WDR11: variants seen among roughly 807,000 people sequenced by gnomAD.
WDR11 encodes the protein WD repeat domain 11.
In WDR11, 83 loss-of-function variants were observed where a neutral mutation model predicts 151.2. The ratio of observed to expected loss-of-function variants is 0.55; its 90% CI spans 0.46 to 0.66. WDR11 has a LOEUF of 0.66. WDR11 is among the 30% of genes least tolerant of loss of function. The probability of loss-of-function intolerance (pLI) is 0.00; values close to 1 mark genes in which losing one functional copy is unlikely to be tolerated. For synonymous variants in WDR11, 484 were observed against 533.1 expected (o/e 0.91, Z 1.27); for missense variants, 1,301 against 1,480.9 (o/e 0.88, Z 1.99).
chr10:120,890,513 C>T (rs560341010), intron 18 of WDR11, among the ~76,000 whole-genome samples: 3 of 152,280 alleles, frequency 2.0e-5, no homozygotes, highest in Admixed American at 6.5e-5. Context: ...CGCGCCCAGC[C>T]GATTTATTTA....
chr10:120,902,587 T>C (rs993594994), intron 22 of WDR11, among the ~76,000 whole-genome samples: 37 of 151,926 alleles, frequency 2.4e-4, no homozygotes, highest in African/African-American at 8.3e-4. Context: ...CAGATACAGG[T>C]ATATTTAAAT....
intron 11 of WDR11, among the ~76,000 whole-genome samples, chr10:120,875,031 G>A (rs1026487850): frequency 1.3e-5 from 2 of 151,218 alleles, no homozygotes; most frequent in Non-Finnish European, 2.9e-5. Flanking sequence ...TGTTCTCATC[G>A]TTCAACTCCC....
intron 27 of WDR11, 102 bp from the exon 28 acceptor site, chr10:120,906,674 G>T: frequency 6.2e-7 from 1 of 1,602,710 alleles, no homozygotes; most frequent in East Asian, 2.2e-5. Flanking sequence ...CAGTATGCAG[G>T]TTTCCAGGGA....
chr10:120,905,771 G>T, intron 26 of WDR11, 105 bp from the exon 27 acceptor site: 1 of 1,599,042 alleles, frequency 6.3e-7, no homozygotes, highest in Non-Finnish European at 8.5e-7. Context: ...GTCAAGCAGA[G>T]CATAGCCTGT....
chr10:120,878,685 AACAG>A (rs1237618366), intron 12 of WDR11, among the ~76,000 whole-genome samples: 6 of 152,182 alleles, frequency 3.9e-5, no homozygotes, highest in South Asian at 2.1e-4. Flanking sequence ...CATTAGCCTG[AACAG>A]ACAGATTCAT....
intron 15 of WDR11, 68 bp from the exon 16 acceptor site, chr10:120,886,621 T>C: frequency 6.3e-7 from 1 of 1,580,570 alleles, no homozygotes; most frequent in Non-Finnish European, 8.6e-7. Flanking sequence ...TTGGGCAAGT[T>C]AATTAATTAT....
At position 120,852,513 on chromosome 10, in the gene WDR11, T is replaced by C; in HGVS notation, c.87-11T>C. On this transcript the variant is annotated splice_polypyrimidine_tract_variant and intron_variant, in intron 1 of 28. Coordinates refer to ENST00000263461, the MANE Select transcript of WDR11 (RefSeq NM_018117.12). ...TTCTGTACTTAAACTTTAACATTAC[T>C]GTTTTGCTAGGGGCTGGCAAGGTTT... 6.2e-7 allele frequency: 1 copy of C among 1,612,646 alleles called. No homozygotes were observed. The highest frequency in any genetic ancestry group is 1.3e-5 in the African/African-American group (1 of 75,010).
At chr10:120,901,171 C>A in intron 21 of WDR11, 73 bp downstream of exon 21, 2 of 1,298,718 alleles carry the variant, frequency 1.5e-6, no homozygotes, top group South Asian at 1.2e-5. Flanking sequence ...AAATGCAATT[C>A]AAAATTAAAA....
At chr10:120,878,571 G>T (rs940410594) in intron 12 of WDR11, 112 bp downstream of exon 12, 11 of 788,056 alleles carry the variant, frequency 1.4e-5, no homozygotes, top group Non-Finnish European at 2.3e-5. Context: ...TATATTTCAT[G>T]CTTATATATT....
At chr10:120,888,963 T>C in intron 16 of WDR11, 115 bp from the exon 17 acceptor site, 1 of 772,564 alleles carries the variant, frequency 1.3e-6, no homozygotes, top group Non-Finnish European at 2.1e-6. Flanking sequence ...TAGGATTTGA[T>C]GACTAAAAGC....
intron 27 of WDR11, chr10:120,906,495 G>A: frequency 7.6e-7 from 1 of 1,315,496 alleles, no homozygotes; most frequent in Non-Finnish European, 9.7e-7. Flanking sequence ...TGTCAACTCT[G>A]GACAGGGGTA....
Position 120,865,197 on chromosome 10 carries a change from A to G in WDR11, c.864A>G (p.Gly288=), listed in dbSNP as rs1300724814. 4 of 1,613,886 alleles carry G rather than the reference A, an allele frequency of 2.5e-6. No homozygotes were observed. The East Asian group carries it at 8.9e-5, about 36-fold the overall frequency. The change falls in exon 6 of 29, where the codon GGA becomes GGG. Residue 288 remains glycine, a synonymous_variant. Transcript: ENST00000263461. ...TVGVIAIERT[G]VPFLQVIPCF... ...GTGTGATTGCAATAGAACGCACAGG[A>G]GTTCCATTTTTACAGGTATCTACAA...
At chr10:120,872,038 A>G (rs1408190743) in intron 10 of WDR11, among the ~76,000 whole-genome samples, 2 of 152,042 alleles carry the variant, frequency 1.3e-5, no homozygotes, top group Non-Finnish European at 2.9e-5. Flanking sequence ...TTTGTTTGAA[A>G]CTCAACATTT....
intron 19 of WDR11, among the ~76,000 whole-genome samples, chr10:120,896,368 TTCTC>T (rs1847615454): frequency 6.6e-6 from 1 of 152,204 alleles, no homozygotes; most frequent in African/African-American, 2.4e-5. Flanking sequence ...GCAGTGAAAC[TTCTC>T]TATCTTTGTT....
At chr10:120,862,115 TTTTG>T (rs200658690) in intron 4 of WDR11, among the ~76,000 whole-genome samples, 202 of 151,164 alleles carry the variant, frequency 1.3e-3, no homozygotes, top group East Asian at 0.013. Flanking sequence ...GTTAAAGTTT[TTTTG>T]TTTGTTTGTT....
chr10:120,885,271 GTA>G (rs148015588), intron 14 of WDR11: 23,952 of 146,196 alleles, frequency 0.16, 2,017 homozygotes, highest in East Asian at 0.32. Context: ...ACAGGATGAA[GTA>G]TATATATATA....
chr10:120,895,171 C>G (rs989701585), intron 19 of WDR11, among the ~76,000 whole-genome samples: 12 of 152,158 alleles, frequency 7.9e-5, no homozygotes, highest in Non-Finnish European at 1.2e-4. Context: ...TGAGAACTTT[C>G]CCTGAACCAT....
In WDR11 at chr10:120,865,060, ACT is replaced by A. The variant is rs1846264917; in HGVS notation, c.731_732del (p.Leu244GlnfsTer2). ...TQEKPSAEFITLNDCLQLAYL... is the reference protein window; with the variant it reads ...TQEKPSAEFIXLNDCLQLAYL... The stretch of plus-strand genomic sequence containing the variant: ...TACTTTTTTCAGTGCTGAATTCATA[ACT>A]CTCAATGATTGCCTTCAGTTGGCAT... On this transcript the variant is annotated frameshift_variant, in exon 6 of 29. Transcript: ENST00000263461. LOFTEE classifies it high-confidence loss of function. 4 of 1,613,738 alleles carry A rather than the reference ACT, an allele frequency of 2.5e-6. No individual in the cohort carries two copies. The highest frequency in any genetic ancestry group is 1.3e-5 in the African/African-American group (1 of 74,908).
intron 2 of WDR11, among the ~76,000 whole-genome samples, chr10:120,854,539 C>G (rs1845884897): frequency 2.0e-5 from 3 of 152,200 alleles, no homozygotes. Context: ...GGTGGAATTA[C>G]TGACTCATAT....
Sources: gnomAD v4.1 joint callset for allele counts (sites outside exome capture counted in the v4.1 genomes callset) on GRCh38, gnomAD v4.1.1 for gene constraint, MANE v1.5 for transcripts, NCBI Gene and HGNC (gene_info 2026-07-23, HGNC 2026-07-21) for gene names.